The following NHSL2 variants were observed in gnomAD, a reference collection of about 807,000 sequenced individuals.
NHSL2 encodes the protein NHS like 2.
NHSL2 carries 27 observed loss-of-function variants against 53.4 expected under a neutral mutation model. The observed-to-expected ratio is 0.51, with a 90% CI of 0.37 to 0.70. The LOEUF (loss-of-function observed/expected upper bound fraction) is 0.70. Among genes scored for constraint, NHSL2 ranks in the 30% least tolerant of loss-of-function variants. The pLI, the probability that NHSL2 is intolerant of heterozygous loss-of-function variation, is 0.00. For missense variants in NHSL2, 892 were observed against 980.1 expected (o/e 0.91, Z 1.20); for synonymous variants, 408 against 404.1 (o/e 1.01, Z -0.12).
chrX:71,955,495 G>T (rs750215429), intron 1 of NHSL2, among the ~76,000 whole-genome samples: 1 of 110,313 alleles, frequency 9.1e-6, no homozygotes, highest in Non-Finnish European at 1.9e-5. Context: ...TGCCCAGCAC[G>T]AGAGTTATTT....
At chrX:71,956,537 A>G (rs1315758612) in intron 1 of NHSL2, among the ~76,000 whole-genome samples, 1 of 110,967 alleles carries the variant, frequency 9.0e-6, no homozygotes, top group African/African-American at 3.3e-5. Flanking sequence ...CTATGATACA[A>G]CCTTTCTAAA....
intron 1 of NHSL2, among the ~76,000 whole-genome samples, chrX:71,969,835 T>A (rs1468957418): frequency 2.7e-5 from 3 of 112,089 alleles, no homozygotes; most frequent in Non-Finnish European, 3.8e-5. Context: ...ACAGAGGTAG[T>A]GAGAACAAAC....
At chrX:72,014,549 A>G (rs1201289231) in intron 1 of NHSL2, among the ~76,000 whole-genome samples, 1 of 111,584 alleles carries the variant, frequency 9.0e-6, no homozygotes, top group East Asian at 2.8e-4. Flanking sequence ...TTCATATTTG[A>G]CCCATGGGTT....
intron 3 of NHSL2, 145 bp from the exon 4 acceptor site, chrX:72,134,364 A>T: frequency 1.2e-6 from 1 of 842,648 alleles, no homozygotes; most frequent in Non-Finnish European, 1.7e-6. Context: ...GGCCCTGCAC[A>T]GCAGGTGCCT....
chrX:72,111,398 A>G (rs781309202), intron 1 of NHSL2, among the ~76,000 whole-genome samples: 163 of 112,847 alleles, frequency 1.4e-3, no homozygotes, highest in Middle Eastern at 9.1e-3. Flanking sequence ...GGAATTAAAG[A>G]GAGGTGGGAG....
rs933546140 is a variant in NHSL2 at position 72,090,265 on chromosome X, G to A, written c.281-41814G>A. ...TTTTTTGTAGAGACAGGGTTTCACC[G>A]TGTTGCTCAGGTTGGTGTCAAACTC... On this transcript the variant is annotated intron_variant, in intron 1 of 7. Coordinates refer to ENST00000633930, the MANE Select transcript of NHSL2 (RefSeq NM_001013627.3). Among the ~76,000 whole-genome samples, 11 of 110,761 alleles carry A rather than the reference G, an allele frequency of 9.9e-5. No individual in the cohort carries two copies. The South Asian group carries it at 2.7e-3, about 27-fold the overall frequency.
At position 71,911,329 on chromosome X, in the gene NHSL2, G is replaced by A; in HGVS notation, c.242G>A (p.Cys81Tyr). 1 of 1,114,306 alleles carries A rather than the reference G, an allele frequency of 9.0e-7. No homozygotes were observed. 91.8% of individuals were successfully genotyped at this position (1,114,306 alleles called of 1,213,427 possible). The change falls in exon 1 of 8, where the codon TGC becomes TAC. Residue 81 changes from cysteine (C) to tyrosine (Y), a missense_variant. Transcript: ENST00000633930. ...GTGCGCCTCCGCCGCCGCCTTCCCTGCCGCCTGCTTGGCCCGGAGGAGGAC... is the reference window on the plus strand; with the variant it reads ...GTGCGCCTCCGCCGCCGCCTTCCCTACCGCCTGCTTGGCCCGGAGGAGGAC... ...RTVRLRRRLP[C>Y]RLLGPEEDEE...
intron 1 of NHSL2, among the ~76,000 whole-genome samples, chrX:71,925,035 T>C (rs1486050157): frequency 8.9e-6 from 1 of 112,710 alleles, no homozygotes; most frequent in Admixed American, 9.4e-5. Context: ...GAATGTTTGT[T>C]GAATGATTAA....
At chrX:72,130,590 G>A (rs767347979) in intron 1 of NHSL2, 1 of 1,211,630 alleles carries the variant, frequency 8.3e-7, no homozygotes, top group African/African-American at 1.7e-5. Flanking sequence ...CAGGGAGCGG[G>A]ATAGGCTTGG....
chrX:72,086,755 T>C lies in NHSL2; in HGVS notation c.281-45324T>C, dbSNP rs1211893249. ...TATCAAGATGTAATTTTCAAAGGGG[T>C]AAAAACATGAGTCTCATTCAAATGT... On this transcript the variant is annotated intron_variant, in intron 1 of 7. Transcript: ENST00000633930. Among the ~76,000 whole-genome samples, 6 of 91,200 alleles carry C rather than the reference T, an allele frequency of 6.6e-5. No homozygotes were observed. The Admixed American group carries it at 7.1e-4, about 11-fold the overall frequency. 79.2% of individuals were successfully genotyped at this position (91,200 alleles called of 115,157 possible).
chrX:71,910,891 C>A lies in NHSL2; in HGVS notation c.-197C>A. On this transcript the variant is annotated 5_prime_UTR_variant, in exon 1 of 8. Transcript: ENST00000633930. ...GAGTGTGCAGCCCCGGGGGAGCCGG[C>A]GCTCTAGGCGAGGAACCCGTCAGCC... The A allele has an allele frequency of 8.2e-6, 2 of 245,323 alleles. No individual in the cohort carries two copies. Among genetic ancestry groups the A allele is most frequent in the Non-Finnish European group, 1.4e-5 (2 of 139,914 alleles). The allele number at this position is 245,323 out of a possible 1,213,427, so 20.2% of individuals were successfully genotyped here.
intron 1 of NHSL2, among the ~76,000 whole-genome samples, chrX:72,098,309 G>A (rs927482626): frequency 5.3e-5 from 6 of 112,344 alleles, no homozygotes; most frequent in African/African-American, 1.6e-4. Context: ...GGCCGGGCGC[G>A]GTGGCTCACG....
At chrX:72,035,667 A>G in intron 1 of NHSL2, among the ~76,000 whole-genome samples, 1 of 112,081 alleles carries the variant, frequency 8.9e-6, no homozygotes, top group Non-Finnish European at 1.9e-5. Flanking sequence ...AGAACCACAT[A>G]AGATAGTATT....
At chrX:72,102,900 C>T (rs2042007321) in intron 1 of NHSL2, among the ~76,000 whole-genome samples, 2 of 111,834 alleles carry the variant, frequency 1.8e-5, no homozygotes, top group Non-Finnish European at 3.8e-5. Flanking sequence ...CAGGGTGACT[C>T]GTGACAGCTC....
At chrX:71,989,679 T>A (rs1375526883) in intron 1 of NHSL2, among the ~76,000 whole-genome samples, 2 of 112,348 alleles carry the variant, frequency 1.8e-5, no homozygotes, top group Non-Finnish European at 3.8e-5. Flanking sequence ...AGTCTTTAGC[T>A]ATTTTTAGAA....
intron 1 of NHSL2, chrX:72,079,680 G>A (rs1304263832): frequency 1.8e-5 from 2 of 112,483 alleles, no homozygotes; most frequent in Non-Finnish European, 3.8e-5. Context: ...AAAAAACAAG[G>A]CCTATCCCTG....
At position 72,152,937 on chromosome X, in the gene NHSL2, C is replaced by T. The variant is rs1490351165; in HGVS notation, c.*9363C>T. 3 of 112,156 alleles carry T rather than the reference C, an allele frequency of 2.7e-5. No individual in the cohort carries two copies. Among genetic ancestry groups the T allele is most frequent in the African/African-American group, 9.7e-5 (3 of 30,826 alleles). The allele number at this position is 112,156 out of a possible 1,213,427, so 9.2% of individuals were successfully genotyped here. On this transcript the variant is annotated 3_prime_UTR_variant, in exon 8 of 8. Coordinates refer to ENST00000633930, the MANE Select transcript of NHSL2 (RefSeq NM_001013627.3). ...TTAAGTTAGCCCTTACCATTTAGTG[C>T]TTACTGAATGCCAACAATGCACTTA...
intron 1 of NHSL2, among the ~76,000 whole-genome samples, chrX:71,921,404 G>C (rs1232951771): frequency 9.8e-6 from 1 of 102,071 alleles, no homozygotes; most frequent in African/African-American, 3.6e-5. Flanking sequence ...TGGGTGACAA[G>C]AGCAAAACTC....
intron 1 of NHSL2, among the ~76,000 whole-genome samples, chrX:72,108,267 G>T (rs2042062176): frequency 8.9e-6 from 1 of 112,204 alleles, no homozygotes; most frequent in Admixed American, 9.4e-5. Flanking sequence ...TGCAGTACTT[G>T]CCCTTACATT....
Sources: gnomAD v4.1 joint callset for allele counts (sites outside exome capture counted in the v4.1 genomes callset) on GRCh38, gnomAD v4.1.1 for gene constraint, MANE v1.5 for transcripts, NCBI Gene and HGNC (gene_info 2026-07-23, HGNC 2026-07-21) for gene names.